Variants in C11orf54 observed in about 807,000 individuals in gnomAD.
C11orf54 encodes the protein beta-keto-L-gulonate decarboxylase.
C11orf54 carries 29 observed loss-of-function variants against 35.5 expected under a neutral mutation model. The ratio of observed to expected loss-of-function variants is 0.82; its 90% CI spans 0.61 to 1.11. The LOEUF (loss-of-function observed/expected upper bound fraction) is 1.11, where lower values mean the gene tolerates loss of function less well. Among genes scored for constraint, C11orf54 ranks in the 50% most tolerant of loss-of-function variants. C11orf54 has a pLI of 0.00. For synonymous variants in C11orf54, 108 were observed against 121.1 expected, an observed-to-expected ratio of 0.89 and a Z score of 0.71; for missense variants, 373 against 369.2, an observed-to-expected ratio of 1.01 and a Z score of -0.08.
intron 5 of C11orf54, 133 bp from the exon 6 acceptor site, chr11:93,755,074 ATAT>A: frequency 1.1e-6 from 1 of 926,042 alleles, no homozygotes; most frequent in Non-Finnish European, 1.6e-6. Context: ...CTAAAATTAA[ATAT>A]TATGTATTTT....
intron 1 of C11orf54, chr11:93,746,172 G>A (rs1942461832): frequency 6.6e-6 from 1 of 152,158 alleles, no homozygotes; most frequent in Admixed American, 6.5e-5. Context: ...CAGTTTCTAA[G>A]CAACCTGTGA....
chr11:93,759,899 A>G, intron 8 of C11orf54, 41 bp downstream of exon 8: 1 of 1,175,780 alleles, frequency 8.5e-7, no homozygotes, highest in South Asian at 1.5e-5. Flanking sequence ...TACAATGATA[A>G]TGCTTGATTT....
chr11:93,743,269 G>A (rs1038216515), intron 1 of C11orf54, among the ~76,000 whole-genome samples: 5 of 151,820 alleles, frequency 3.3e-5, no homozygotes, highest in African/African-American at 1.2e-4. Context: ...CCAAAGTGCT[G>A]GGAGTACAGG....
chr11:93,761,630 C>T lies in C11orf54; in HGVS notation c.890C>T (p.Ala297Val), dbSNP rs377248054. 2.2e-5 allele frequency: 36 copies of T among 1,612,836 alleles called. No individual in the cohort carries two copies. Among genetic ancestry groups the T allele is most frequent in the Non-Finnish European group, 2.9e-5 (34 of 1,179,522 alleles). Reference protein sequence around the residue: ...IVEYLGYFLPAEFLYRIDQPK... With the variant: ...IVEYLGYFLPVEFLYRIDQPK... ...GAATATCTTGGATACTTCTTACCTG[C>T]AGAGTTTCTCTATCGCATTGATCAA... Residue 297 changes from alanine to valine, a missense_variant, in exon 9 of 9, where the codon GCA (alanine) becomes GTA (valine). By Grantham distance (64) the Ala-to-Val change is moderately conservative. Transcript: ENST00000354421.
At chr11:93,752,657 T>A (rs1942903378) in intron 3 of C11orf54, among the ~76,000 whole-genome samples, 1 of 152,128 alleles carries the variant, frequency 6.6e-6, no homozygotes, top group South Asian at 2.1e-4. Flanking sequence ...TAGTAATCTA[T>A]CTGGGTATTT....
At position 93,760,342 on chromosome 11, in the gene C11orf54, T is replaced by TA. The variant is rs372062038; in HGVS notation, c.774+485dup. Reference sequence around the variant, plus strand: ...CCTATGAGTTAGGCAGAGCAGATTTTACCTTTGAGAAAATGAAGGCACAAG... The same window carrying TA: ...CCTATGAGTTAGGCAGAGCAGATTTTAACCTTTGAGAAAATGAAGGCACAAG... On this transcript the variant is annotated intron_variant, in intron 8 of 8. Coordinates refer to ENST00000354421, the MANE Select transcript of C11orf54 (RefSeq NM_001286069.2). Among the ~76,000 whole-genome samples, 493 of 152,326 alleles carry TA rather than the reference T, an allele frequency of 3.2e-3. 1 individual carries two copies. Among genetic ancestry groups the TA allele is most frequent in the African/African-American group, 0.011 (465 of 41,564 alleles).
At chr11:93,747,028 T>G (rs1310303553) in intron 1 of C11orf54, 3 of 157,708 alleles carry the variant, frequency 1.9e-5, no homozygotes, top group Non-Finnish European at 4.2e-5. Flanking sequence ...CTCACACTTG[T>G]AATCCCAGCA....
chr11:93,756,182 A>G (rs1943141603), intron 6 of C11orf54, among the ~76,000 whole-genome samples: 1 of 149,382 alleles, frequency 6.7e-6, no homozygotes, highest in Non-Finnish European at 1.5e-5. Flanking sequence ...AAAAAAAAAA[A>G]AAAAAAAAGA....
At chr11:93,761,450 AT>A in intron 8 of C11orf54, 64 bp from the exon 9 acceptor site, 2 of 1,419,426 alleles carry the variant, frequency 1.4e-6, no homozygotes, top group Non-Finnish European at 1.9e-6. Context: ...GTAAAAAGTT[AT>A]CCCTCCCCCT....
At chr11:93,743,081 A>G (rs994049832) in intron 1 of C11orf54, among the ~76,000 whole-genome samples, 4 of 146,620 alleles carry the variant, frequency 2.7e-5, no homozygotes, top group African/African-American at 1.0e-4. Context: ...GCTCACTGCA[A>G]CCCCCACCTC....
At chr11:93,753,864 A>G in intron 4 of C11orf54, 72 bp from the exon 5 acceptor site, 1 of 1,539,066 alleles carries the variant, frequency 6.5e-7, no homozygotes, top group Non-Finnish European at 9.0e-7. Context: ...GTGCTAATGG[A>G]TCAGTAATAA....
intron 7 of C11orf54, among the ~76,000 whole-genome samples, chr11:93,758,490 T>C (rs1406439693): frequency 1.3e-5 from 2 of 152,220 alleles, no homozygotes; most frequent in African/African-American, 4.8e-5. Context: ...TCCTGCATTC[T>C]TGGGGGTCTG....
chr11:93,752,801 T>C (rs1942915003), intron 3 of C11orf54, among the ~76,000 whole-genome samples: 1 of 139,112 alleles, frequency 7.2e-6, no homozygotes, highest in Non-Finnish European at 1.5e-5. Flanking sequence ...CAGGCTGGAG[T>C]GCAGTGGCGC....
At chr11:93,744,789 G>A (rs2135574926) in intron 1 of C11orf54, among the ~76,000 whole-genome samples, 1 of 152,316 alleles carries the variant, frequency 6.6e-6, no homozygotes, top group East Asian at 1.9e-4. Context: ...TATAGAGAAA[G>A]AACAGTGGGC....
chr11:93,754,979 C>T lies in C11orf54; in HGVS notation c.331-231C>T, dbSNP rs575099332. ...GATCTCTTCTCTTGACCTCGTGATCCGCCCCCCTTGGCCTCCCAAAGTGCT... is the reference window on the plus strand; with the variant it reads ...GATCTCTTCTCTTGACCTCGTGATCTGCCCCCCTTGGCCTCCCAAAGTGCT... On this transcript the variant is annotated intron_variant, in intron 5 of 8. Transcript: ENST00000354421. The T allele has an allele frequency of 4.4e-5, 15 of 341,594 alleles. No homozygotes were observed. In the South Asian group the frequency reaches 4.4e-4, roughly 10 times the overall value. The allele number at this position is 341,594 out of a possible 1,614,324, so 21.2% of individuals were successfully genotyped here. A position where few individuals can be genotyped will look rare whatever the true frequency, so the allele number is the denominator to read the frequency against.
chr11:93,754,482 A>G (rs1225975369), intron 5 of C11orf54, among the ~76,000 whole-genome samples: 1 of 152,158 alleles, frequency 6.6e-6, no homozygotes, highest in Non-Finnish European at 1.5e-5. Context: ...ATGAAAGTTA[A>G]TAGTTATTAC....
chr11:93,751,980 A>G (rs1942861409), intron 3 of C11orf54, among the ~76,000 whole-genome samples: 1 of 151,464 alleles, frequency 6.6e-6, no homozygotes, highest in Admixed American at 6.6e-5. Context: ...CCAAGTAGCT[A>G]GGATTACAGG....
chr11:93,749,596 CAT>C (rs1942704516), intron 2 of C11orf54, among the ~76,000 whole-genome samples: 1 of 150,792 alleles, frequency 6.6e-6, no homozygotes, highest in South Asian at 2.1e-4. Flanking sequence ...AGGAAGATCA[CAT>C]GAGTCCAGGA....
Position 93,761,743 on chromosome 11 carries a change from CTTA to C in C11orf54, c.*59_*61del. ...TAATTAAGGTTAATTAATTGATTGA[CTTA>C]TTAATTAATACTGATATAAAACCAA... On this transcript the variant is annotated 3_prime_UTR_variant, in exon 9 of 9. Transcript: ENST00000354421. 6 of 1,433,814 alleles carry C rather than the reference CTTA, an allele frequency of 4.2e-6. No homozygotes were observed. Among genetic ancestry groups the C allele is most frequent in the South Asian group, 2.7e-5 (2 of 73,606 alleles). The allele number at this position is 1,433,814 out of a possible 1,614,324, so 88.8% of individuals were successfully genotyped here.
Sources: gnomAD v4.1 joint callset for allele counts (sites outside exome capture counted in the v4.1 genomes callset) on GRCh38, gnomAD v4.1.1 for gene constraint, MANE v1.5 for transcripts, NCBI Gene and HGNC (gene_info 2026-07-23, HGNC 2026-07-21) for gene names.